PHF14: variants seen among roughly 807,000 people sequenced by gnomAD.
PHF14 encodes PHD finger protein 14.
Under a neutral mutation model 117.9 loss-of-function variants are expected in PHF14, and 55 were observed. The observed-to-expected ratio is 0.47, with a 90% CI of 0.38 to 0.58. The LOEUF is 0.58. Among genes scored for constraint, PHF14 ranks in the 20% least tolerant of loss-of-function variants. PHF14 has a pLI of 0.00. For synonymous variants in PHF14, 409 were observed against 368.6 expected (o/e 1.11, Z -1.26); for missense variants, 978 against 1,122.2 (o/e 0.87, Z 1.84).
intron 16 of PHF14, among the ~76,000 whole-genome samples, chr7:11,084,827 A>G (rs916326081): frequency 3.9e-5 from 6 of 152,066 alleles, no homozygotes; most frequent in Admixed American, 2.0e-4. Context: ...ATCAGTTTCA[A>G]TGTTTATTCA....
At chr7:10,987,402 A>G (rs1290701469) in intron 3 of PHF14, among the ~76,000 whole-genome samples, 1 of 152,090 alleles carries the variant, frequency 6.6e-6, no homozygotes, top group Non-Finnish European at 1.5e-5. Context: ...TATTGTATAT[A>G]TCATTTACAG....
chr7:11,138,861 C>T (rs912383459), intron 17 of PHF14, among the ~76,000 whole-genome samples: 1 of 151,680 alleles, frequency 6.6e-6, no homozygotes, highest in Non-Finnish European at 1.5e-5. Flanking sequence ...CATTGTGTTA[C>T]TTGGAACTCA....
intron 4 of PHF14, among the ~76,000 whole-genome samples, chr7:11,002,539 A>G (rs1297083016): frequency 1.3e-5 from 2 of 152,026 alleles, no homozygotes; most frequent in African/African-American, 2.4e-5. Context: ...CCTGGGTTCA[A>G]GCAATTCTCC....
intron 17 of PHF14, among the ~76,000 whole-genome samples, chr7:11,124,912 C>G (rs1027006909): frequency 6.6e-6 from 1 of 152,010 alleles, no homozygotes; most frequent in African/African-American, 2.4e-5. Flanking sequence ...CTGCTTTTGT[C>G]TTTCTAATGG....
intron 7 of PHF14, among the ~76,000 whole-genome samples, chr7:11,032,743 G>T (rs1784163504): frequency 6.6e-6 from 1 of 152,072 alleles, no homozygotes; most frequent in Admixed American, 6.5e-5. Flanking sequence ...CATCTTTTAG[G>T]TCTCCTTCAC....
chr7:11,041,665 A>G (rs911588249), intron 12 of PHF14, among the ~76,000 whole-genome samples: 2 of 151,956 alleles, frequency 1.3e-5, no homozygotes, highest in Non-Finnish European at 1.5e-5. Context: ...GTCTTAGTGT[A>G]CAATGTGAAC....
chr7:11,148,519 A>G (rs762027897), intron 17 of PHF14, among the ~76,000 whole-genome samples: 8 of 152,198 alleles, frequency 5.3e-5, no homozygotes, highest in Admixed American at 2.0e-4. Context: ...CTTGCCTAAG[A>G]GAACATGTGC....
chr7:11,033,032 G>T (rs1221329921), intron 7 of PHF14, among the ~76,000 whole-genome samples: 1 of 152,160 alleles, frequency 6.6e-6, no homozygotes, highest in East Asian at 1.9e-4. Context: ...AGTGGTGAAG[G>T]TTAAAGAGAT....
At chr7:11,134,330 A>G (rs559042350) in intron 17 of PHF14, among the ~76,000 whole-genome samples, 100 of 152,138 alleles carry the variant, frequency 6.6e-4, no homozygotes, top group African/African-American at 2.3e-3. Flanking sequence ...TTTAATAGCT[A>G]ATATGGACCT....
At chr7:11,003,943 A>G (rs1443410817) in intron 4 of PHF14, among the ~76,000 whole-genome samples, 1 of 152,148 alleles carries the variant, frequency 6.6e-6, no homozygotes, top group African/African-American at 2.4e-5. Context: ...CATCAGTAGA[A>G]ATAAGCTAAG....
intron 17 of PHF14, among the ~76,000 whole-genome samples, chr7:11,142,810 T>C (rs1422005430): frequency 6.6e-6 from 1 of 152,110 alleles, no homozygotes; most frequent in Non-Finnish European, 1.5e-5. Flanking sequence ...AGTTTTCTAC[T>C]GTAAGTTTTC....
chr7:11,074,200 TTTTTTTTC>T (rs1305873837), intron 16 of PHF14, among the ~76,000 whole-genome samples: 1 of 151,658 alleles, frequency 6.6e-6, no homozygotes, highest in South Asian at 2.1e-4. Context: ...ATGCCTTTCC[TTTTTTTTC>T]TTTTTTTCTT....
At chr7:11,165,407 T>G (rs559313063) in intron 17 of PHF14, among the ~76,000 whole-genome samples, 1 of 152,156 alleles carries the variant, frequency 6.6e-6, no homozygotes, top group African/African-American at 2.4e-5. Flanking sequence ...CTTGACCATT[T>G]GGTTAAGGTG....
In PHF14 at chr7:10,989,626, G is replaced by A. The variant is rs572113491; in HGVS notation, c.901-1077G>A. 2.1e-4 allele frequency among the ~76,000 whole-genome samples: 32 copies of A among 152,120 alleles called. No individual in the cohort carries two copies. In the South Asian group the frequency reaches 5.4e-3, roughly 26 times the overall value. ...CTTTTAAATATTAGTTTATTAATAC[G>A]TCTTCCTATACTTTTTCTTTTTGAG... is the stretch of plus-strand genomic sequence containing the variant. On this transcript the variant is annotated intron_variant, in intron 3 of 17. Coordinates refer to ENST00000634607, the MANE Select transcript of PHF14 (RefSeq NM_001007157.2).
chr7:11,013,330 T>G (rs997791440), intron 4 of PHF14, among the ~76,000 whole-genome samples: 1 of 152,024 alleles, frequency 6.6e-6, no homozygotes, highest in African/African-American at 2.4e-5. Context: ...CCTGGATAAT[T>G]TTTGTGTTTT....
intron 7 of PHF14, among the ~76,000 whole-genome samples, chr7:11,031,160 C>G (rs1396021901): frequency 1.3e-5 from 2 of 151,410 alleles, no homozygotes; most frequent in East Asian, 3.9e-4. Flanking sequence ...GTTGGATTTA[C>G]TACTTTTTCA....
At chr7:11,006,780 C>A in intron 4 of PHF14, 1 of 796,270 alleles carries the variant, frequency 1.3e-6, no homozygotes, top group Non-Finnish European at 2.1e-6. Flanking sequence ...CTGTGGACAC[C>A]TTTCAACACT....
At chr7:11,081,074 T>C (rs1031269489) in intron 16 of PHF14, among the ~76,000 whole-genome samples, 1 of 152,202 alleles carries the variant, frequency 6.6e-6, no homozygotes, top group Non-Finnish European at 1.5e-5. Context: ...TGTGTGTGTG[T>C]ATTTATATGT....
chr7:11,114,070 A>G (rs1787524558), intron 17 of PHF14, among the ~76,000 whole-genome samples: 1 of 152,162 alleles, frequency 6.6e-6, no homozygotes, highest in Non-Finnish European at 1.5e-5. Context: ...GCTAAAGGAG[A>G]AATACTTATT....
Sources: allele counts gnomAD v4.1 joint callset (sites outside exome capture counted in the v4.1 genomes callset), GRCh38; gene constraint gnomAD v4.1.1; transcripts MANE v1.5; gene names NCBI Gene and HGNC (gene_info 2026-07-23, HGNC 2026-07-21).